Variants in CTBP1 observed in about 807,000 individuals in gnomAD.
The protein encoded by CTBP1 is C-terminal binding protein 1.
Under a neutral mutation model 42.1 loss-of-function variants are expected in CTBP1, and 11 were observed. That is an observed-to-expected ratio of 0.26 (90% CI 0.16 to 0.43). The LOEUF (loss-of-function observed/expected upper bound fraction) is 0.43. Among genes scored for constraint, CTBP1 ranks in the 20% least tolerant of loss-of-function variants. The pLI is 1.00. For synonymous variants in CTBP1, 324 were observed against 277.1 expected (o/e 1.17, Z -1.68); for missense variants, 399 against 624.3 (o/e 0.64, Z 3.85).
intron 1 of CTBP1, chr4:1,244,280 G>A: frequency 1.0e-6 from 1 of 984,146 alleles, no homozygotes; most frequent in Non-Finnish European, 1.2e-6. Flanking sequence ...GGACCGGGTT[G>A]CCCCGGCACA....
At chr4:1,237,232 C>T in intron 3 of CTBP1, 1 of 674,630 alleles carries the variant, frequency 1.5e-6, no homozygotes, top group East Asian at 2.7e-5. Context: ...GTGTCCACCT[C>T]CTGATGGGGC....
At chr4:1,214,182 C>T (rs1728849554) in intron 7 of CTBP1, 161 bp downstream of exon 7, 2 of 945,640 alleles carry the variant, frequency 2.1e-6, no homozygotes, top group Middle Eastern at 3.4e-4. Flanking sequence ...CCCGTGGCTC[C>T]ATCCTCACCC....
chr4:1,249,677 C>A, upstream of CTBP1: 1 of 423,796 alleles, frequency 2.4e-6, no homozygotes. Flanking sequence ...ACATGGGACC[C>A]CGAGAGGAGA....
chr4:1,243,108 G>A, intron 1 of CTBP1: 1 of 985,430 alleles, frequency 1.0e-6, no homozygotes, highest in Non-Finnish European at 1.2e-6. Flanking sequence ...CGGTGGCCCA[G>A]TACCGGCTGC....
At chr4:1,218,653 T>C (rs1487193551) in intron 5 of CTBP1, 1 of 152,068 alleles carries the variant, frequency 6.6e-6, no homozygotes, top group Non-Finnish European at 1.5e-5. Flanking sequence ...ATAATAGACG[T>C]GGAAAATCGG....
At chr4:1,241,648 T>C (rs900071299) in intron 1 of CTBP1, 129 bp from the exon 2 acceptor site, 8 of 1,344,200 alleles carry the variant, frequency 6.0e-6, no homozygotes, top group South Asian at 1.3e-5. Context: ...GTCTGGGACC[T>C]ACCTGGACTC....
At chr4:1,226,788 C>T (rs542992911) in intron 4 of CTBP1, among the ~76,000 whole-genome samples, 5 of 151,654 alleles carry the variant, frequency 3.3e-5, no homozygotes, top group East Asian at 2.0e-4. Context: ...GAGACAAAGG[C>T]GGGAGGAGGC....
At chr4:1,223,871 CCTGG>C (rs1730018338) in intron 5 of CTBP1, among the ~76,000 whole-genome samples, 1 of 152,260 alleles carries the variant, frequency 6.6e-6, no homozygotes, top group Non-Finnish European at 1.5e-5. Context: ...TCAACCTGGG[CCTGG>C]CTGTGTGGGG....
At chr4:1,214,202 C>T (rs957926105) in intron 7 of CTBP1, 141 bp downstream of exon 7, 18 of 1,139,246 alleles carry the variant, frequency 1.6e-5, no homozygotes, top group South Asian at 1.2e-4. Flanking sequence ...CCGCAGCGGG[C>T]GGCAAACTCC....
rs754690470 is a variant in CTBP1 at position 1,228,262 on chromosome 4, G to A, written c.244C>T (p.Arg82Cys). ...REDLEKFKAL[R>C]IIVRIGSGFD... is the part of the protein sequence containing the mutation. ...CCACTGCCAATCCGGACGATGATGC[G>A]GAGGGCTTTGAACTTCTCCAGGTCC... Residue 82 changes from arginine (R) to cysteine (C), a missense_variant, in exon 4 of 10, where the codon CGC (arginine) becomes TGC (cysteine). Coordinates refer to ENST00000382952, the MANE Select transcript of CTBP1 (RefSeq NM_001012614.2). 21 of 1,614,168 alleles carry A rather than the reference G, an allele frequency of 1.3e-5. No homozygotes were observed. The highest frequency in any genetic ancestry group is 1.7e-5 in the Non-Finnish European group (20 of 1,180,020).
At chr4:1,218,410 A>T (rs1242379467) in intron 5 of CTBP1, 1 of 152,150 alleles carries the variant, frequency 6.6e-6, no homozygotes, top group African/African-American at 2.4e-5. Flanking sequence ...TTCCACAAAA[A>T]AAAAAAAGGC....
chr4:1,228,058 G>A (rs1730571189), intron 4 of CTBP1, 141 bp downstream of exon 4: 1 of 1,158,944 alleles, frequency 8.6e-7, no homozygotes. Context: ...GCCGGCCCCA[G>A]ACGGGACCAC....
intron 5 of CTBP1, among the ~76,000 whole-genome samples, 196 bp downstream of exon 5, chr4:1,225,164 G>A (rs112629679): frequency 1.3e-5 from 2 of 152,204 alleles, no homozygotes; most frequent in Non-Finnish European, 2.9e-5. Flanking sequence ...CACGTGTGCT[G>A]TGACGTCCGT....
intron 5 of CTBP1, among the ~76,000 whole-genome samples, chr4:1,220,106 G>A: frequency 6.6e-6 from 1 of 151,878 alleles, no homozygotes; most frequent in African/African-American, 2.4e-5. Context: ...GGAGGCTGAG[G>A]CAGGAGAATT....
intron 1 of CTBP1, among the ~76,000 whole-genome samples, chr4:1,247,774 G>GC (rs748255973): frequency 9.5e-4 from 134 of 141,082 alleles, no homozygotes; most frequent in Non-Finnish European, 1.6e-3. Context: ...GGGAGGGGGG[G>GC]GGGGCTCGGG....
intron 3 of CTBP1, chr4:1,237,839 C>G: frequency 1.4e-6 from 1 of 695,314 alleles, no homozygotes; most frequent in Non-Finnish European, 2.6e-6. Context: ...TGATGGGGCT[C>G]AGGGAAAACC....
intron 5 of CTBP1, among the ~76,000 whole-genome samples, chr4:1,224,536 G>A (rs549562194): frequency 1.3e-4 from 19 of 149,800 alleles, no homozygotes; most frequent in African/African-American, 2.2e-4. Flanking sequence ...TGTGACATCC[G>A]TGCAGGCCCG....
At chr4:1,232,437 G>C (rs1161649436) in intron 3 of CTBP1, among the ~76,000 whole-genome samples, 1 of 151,980 alleles carries the variant, frequency 6.6e-6, no homozygotes, top group Non-Finnish European at 1.5e-5. Context: ...TCAGCCTCCT[G>C]AGTATCTTGG....
Position 1,212,228 on chromosome 4 carries a change from G to C in CTBP1, c.*12C>G, listed in dbSNP as rs1019998811. ...TCTGCCCAGGCGCCGAGGCTGGAGA[G>C]CTCCTCCCGGGCTACAACTGGTCAC... On this transcript the variant is annotated 3_prime_UTR_variant, in exon 10 of 10. Transcript: ENST00000382952. 25 of 1,444,490 alleles carry C rather than the reference G, an allele frequency of 1.7e-5. No individual in the cohort carries two copies. The highest frequency in any genetic ancestry group is 2.1e-5 in the Non-Finnish European group (23 of 1,095,316). 89.5% of individuals were successfully genotyped at this position (1,444,490 alleles called of 1,614,324 possible). A position where few individuals can be genotyped will look rare whatever the true frequency, so the allele number is the denominator to read the frequency against.
Sources: allele counts gnomAD v4.1 joint callset (sites outside exome capture counted in the v4.1 genomes callset), GRCh38; gene constraint gnomAD v4.1.1; transcripts MANE v1.5; gene names NCBI Gene and HGNC (gene_info 2026-07-23, HGNC 2026-07-21).